Variants in KPNB1 observed in about 807,000 individuals in gnomAD.
The protein encoded by KPNB1 is importin subunit beta-1.
Under a neutral mutation model 113.0 loss-of-function variants are expected in KPNB1, and 7 were observed. The observed-to-expected ratio is 0.06, with a 90% CI of 0.04 to 0.12. The LOEUF is 0.12. KPNB1 is among the 10% of genes least tolerant of loss of function. The pLI is 1.00. For synonymous variants in KPNB1, 363 were observed against 378.6 expected (o/e 0.96, Z 0.48); for missense variants, 400 against 1,054.8 (o/e 0.38, Z 8.60).
At chr17:47,660,120 C>T (rs1205880999) in intron 5 of KPNB1, among the ~76,000 whole-genome samples, 1 of 152,156 alleles carries the variant, frequency 6.6e-6, no homozygotes, top group Non-Finnish European at 1.5e-5. Flanking sequence ...TCCTCATTTC[C>T]CCCTTTCTCA....
In KPNB1 at chr17:47,650,455, C is replaced by T. The variant is rs1567885609; in HGVS notation, c.99+11C>T. ...GCCGTGGAGAACCTGGTGCGTGCTA[C>T]CCCGCCGCGCCCATCCCGCCGCGTC... On this transcript the variant is annotated intron_variant, in intron 2 of 21. Coordinates refer to ENST00000290158, the MANE Select transcript of KPNB1 (RefSeq NM_002265.6). 13 of 1,595,884 alleles carry T rather than the reference C, an allele frequency of 8.1e-6. No individual in the cohort carries two copies. The highest frequency in any genetic ancestry group is 3.4e-5 in the South Asian group (3 of 88,914).
chr17:47,673,696 G>C (rs1437710827), intron 14 of KPNB1, 135 bp downstream of exon 14: 10 of 694,764 alleles, frequency 1.4e-5, no homozygotes, highest in Admixed American at 7.0e-5. Context: ...AGAAGGCTTT[G>C]GTCTGTGATT....
intron 15 of KPNB1, among the ~76,000 whole-genome samples, chr17:47,675,529 CTG>C (rs796932367): frequency 6.2e-4 from 95 of 152,086 alleles, no homozygotes; most frequent in African/African-American, 2.1e-3. Flanking sequence ...GCATGAGCCA[CTG>C]TGCCCTGCTA....
In KPNB1 at chr17:47,680,581, A is replaced by G. The variant is rs757236885; in HGVS notation, c.2542A>G (p.Thr848Ala). The G allele has an allele frequency of 3.1e-6, 5 of 1,614,192 alleles. No individual in the cohort carries two copies. Among genetic ancestry groups the G allele is most frequent in the Non-Finnish European group, 4.2e-6 (5 of 1,180,010 alleles). ...TAGGCCAATGATCCATGAATTGTTAACTGAAGGGCGGAGATCGAAGACTAA... is the reference window on the plus strand; with the variant it reads ...TAGGCCAATGATCCATGAATTGTTAGCTGAAGGGCGGAGATCGAAGACTAA... ...EARPMIHELL[T>A]EGRRSKTNKA... The change falls in exon 21 of 22, where the codon ACT becomes GCT. Residue 848 changes from threonine to alanine, a missense_variant. By Grantham distance (58) the Thr-to-Ala change is moderately conservative. Around this residue, in one of 2 missense-constraint regions of KPNB1, gnomAD observed 115 missense variants for 427.9 expected, o/e 0.27. Coordinates refer to ENST00000290158, the MANE Select transcript of KPNB1 (RefSeq NM_002265.6).
chr17:47,681,079 G>T (rs1597942394), intron 21 of KPNB1, among the ~76,000 whole-genome samples: 1 of 141,516 alleles, frequency 7.1e-6, no homozygotes, highest in South Asian at 2.3e-4. Flanking sequence ...GTGTGTGTGT[G>T]TTTTCTTTTT....
At position 47,680,490 on chromosome 17, in the gene KPNB1, T is replaced by C. The variant is rs770955174; in HGVS notation, c.2469-18T>C. ...ATGGGGCTAGGAGCTCATTCTCAGC[T>C]GTGTTTGTTTTGCACAGGGACTTAT... On this transcript the variant is annotated intron_variant, in intron 20 of 21. Transcript: ENST00000290158. 1 of 1,613,648 alleles carries C rather than the reference T, an allele frequency of 6.2e-7. No homozygotes were observed. The highest frequency in any genetic ancestry group is 1.1e-5 in the South Asian group (1 of 91,052).
intron 21 of KPNB1, among the ~76,000 whole-genome samples, chr17:47,680,953 CTTCTGTT>C (rs2030752588): frequency 6.6e-6 from 1 of 152,172 alleles, no homozygotes; most frequent in Non-Finnish European, 1.5e-5. Context: ...CCCTAATTCT[CTTCTGTT>C]TTCTATTCCT....
intron 2 of KPNB1, 105 bp downstream of exon 2, chr17:47,650,549 A>G (rs1258019714): frequency 2.4e-5 from 14 of 574,352 alleles, no homozygotes; most frequent in South Asian, 1.5e-4. Context: ...ACCCCGCCCC[A>G]TCCCGTCCCC....
At chr17:47,657,095 C>T (rs1177870975) in intron 4 of KPNB1, 35 bp downstream of exon 4, 1 of 1,536,380 alleles carries the variant, frequency 6.5e-7, no homozygotes, top group Non-Finnish European at 9.0e-7. Context: ...GTTTATATAC[C>T]TCTGATTGCC....
chr17:47,656,428 G>A (rs1427094306), intron 3 of KPNB1, among the ~76,000 whole-genome samples: 1 of 152,188 alleles, frequency 6.6e-6, no homozygotes, highest in Non-Finnish European at 1.5e-5. Flanking sequence ...TGTGCCTGTA[G>A]TCTAAGCTAC....
chr17:47,670,603 A>G, intron 11 of KPNB1, 99 bp from the exon 12 acceptor site: 1 of 1,296,808 alleles, frequency 7.7e-7, no homozygotes, highest in Non-Finnish European at 1.1e-6. Context: ...AAAAAGTTGG[A>G]AGTTCACTGA....
intron 21 of KPNB1, among the ~76,000 whole-genome samples, chr17:47,680,919 A>G (rs1020022836): frequency 1.3e-5 from 2 of 152,238 alleles, no homozygotes; most frequent in African/African-American, 4.8e-5. Context: ...GGGTCCTAAT[A>G]AAATCATCAG....
chr17:47,672,591 A>T (rs1316873053), intron 12 of KPNB1, among the ~76,000 whole-genome samples: 1 of 152,042 alleles, frequency 6.6e-6, no homozygotes, highest in Non-Finnish European at 1.5e-5. Flanking sequence ...GGGTTTCACC[A>T]TGTTGACCAG....
Position 47,683,548 on chromosome 17 carries a change from C to T in KPNB1, c.*1144C>T, listed in dbSNP as rs926335746. 4 of 152,138 alleles carry T rather than the reference C, an allele frequency of 2.6e-5. No individual in the cohort carries two copies. Among genetic ancestry groups the T allele is most frequent in the Non-Finnish European group, 5.9e-5 (4 of 67,974 alleles). 9.4% of individuals were successfully genotyped at this position (152,138 alleles called of 1,614,324 possible). On this transcript the variant is annotated 3_prime_UTR_variant, in exon 22 of 22. Coordinates refer to ENST00000290158, the MANE Select transcript of KPNB1 (RefSeq NM_002265.6). ...TACAATAAAAGTAAACACATACACACAAAACAGCAAACTTCAGGTAACTAT... is the reference window on the plus strand; with the variant it reads ...TACAATAAAAGTAAACACATACACATAAAACAGCAAACTTCAGGTAACTAT...
intron 15 of KPNB1, 117 bp downstream of exon 15, chr17:47,674,899 C>G (rs2030549471): frequency 9.4e-7 from 1 of 1,066,792 alleles, no homozygotes; most frequent in African/African-American, 1.6e-5. Flanking sequence ...GCACTGCAGC[C>G]TTGAAATCGT....
Position 47,675,358 on chromosome 17 carries a change from G to GTT in KPNB1, c.1912+577_1912+578dup, listed in dbSNP as rs1555619221. On this transcript the variant is annotated intron_variant, in intron 15 of 21. Coordinates refer to ENST00000290158, the MANE Select transcript of KPNB1 (RefSeq NM_002265.6). ...GTTTGCAACGGAGATTGGCAGAGGTGTTGTTTTTTTTTTGTTTTTTTTTTT... is the reference window on the plus strand; with the variant it reads ...GTTTGCAACGGAGATTGGCAGAGGTGTTTTGTTTTTTTTTTGTTTTTTTTTTT... 6.9e-4 allele frequency among the ~76,000 whole-genome samples: 61 copies of GTT among 88,844 alleles called. 1 individual carries two copies. The highest frequency in any genetic ancestry group is 2.4e-3 in the African/African-American group (55 of 23,300). The allele number at this position is 88,844 out of a possible 152,430, so 58.3% of individuals were successfully genotyped here. A position where few individuals can be genotyped will look rare whatever the true frequency, so the allele number is the denominator to read the frequency against.
Position 47,676,495 on chromosome 17 carries a change from G to C in KPNB1, c.1995+4G>C, listed in dbSNP as rs766842758. The C allele has an allele frequency of 1.4e-5, 23 of 1,603,804 alleles. No homozygotes were observed. On this transcript the variant is annotated splice_donor_region_variant and intron_variant, in intron 16 of 21. Coordinates refer to ENST00000290158, the MANE Select transcript of KPNB1 (RefSeq NM_002265.6). The stretch of plus-strand genomic sequence containing the variant: ...AAAAAATTATGCTGAATACCAGGTA[G>C]GATGTGCTTTTCAAAATAGTATGTT...
intron 12 of KPNB1, among the ~76,000 whole-genome samples, chr17:47,671,165 G>A (rs2030432712): frequency 6.7e-6 from 1 of 150,242 alleles, no homozygotes; most frequent in African/African-American, 2.4e-5. Context: ...GCTGAGGCAG[G>A]GGAATTGCTT....
rs200692809 is a variant in KPNB1, at chr17:47,657,039, C to T, written c.462C>T (p.Ile154=). 48 of 1,613,992 alleles carry T rather than the reference C, an allele frequency of 3.0e-5. No individual in the cohort carries two copies. The highest frequency in any genetic ancestry group is 2.5e-4 in the East Asian group (11 of 44,876). The part of the protein sequence containing the change: ...EHMKESTLEA[I]GYICQDIDPE... Reference sequence around the variant, plus strand: ...TGAAGGAGTCGACATTGGAAGCCATCGGTTATATTTGCCAAGATATAGTAA... The same window carrying T: ...TGAAGGAGTCGACATTGGAAGCCATTGGTTATATTTGCCAAGATATAGTAA... The change falls in exon 4 of 22, where the codon ATC becomes ATT. Residue 154 remains isoleucine, a synonymous_variant. Transcript: ENST00000290158.
Sources: allele counts gnomAD v4.1 joint callset (sites outside exome capture counted in the v4.1 genomes callset), GRCh38; gene constraint gnomAD v4.1.1; regional missense constraint gnomAD v4.1.1; transcripts MANE v1.5; gene names NCBI Gene and HGNC (gene_info 2026-07-23, HGNC 2026-07-21).